Variants in CLEC16A observed in about 807,000 individuals in gnomAD.
CLEC16A encodes the protein protein CLEC16A.
CLEC16A carries 51 observed loss-of-function variants against 109.5 expected under a neutral mutation model. The observed-to-expected ratio is 0.47, with a 90% CI of 0.37 to 0.59. CLEC16A has a LOEUF of 0.59. Among genes scored for constraint, CLEC16A ranks in the 20% least tolerant of loss-of-function variants. The pLI, the probability that CLEC16A is intolerant of heterozygous loss-of-function variation, is 0.00. For missense variants in CLEC16A, 1,339 were observed against 1,394.0 expected (o/e 0.96, Z 0.63); for synonymous variants, 673 against 564.2 (o/e 1.19, Z -2.73).
intron 22 of CLEC16A, among the ~76,000 whole-genome samples, chr16:11,146,197 C>T (rs540754798): frequency 2.7e-4 from 41 of 152,296 alleles, no homozygotes; most frequent in African/African-American, 9.6e-4. Context: ...ACTCCCAGCA[C>T]TCCAGGGGTC....
intron 19 of CLEC16A, among the ~76,000 whole-genome samples, chr16:11,071,584 G>C (rs2049072551): frequency 6.6e-6 from 1 of 151,148 alleles, no homozygotes; most frequent in Non-Finnish European, 1.5e-5. Flanking sequence ...ATATAATTGA[G>C]GTCAATATTA....
chr16:10,999,383 C>T (rs781135810), intron 10 of CLEC16A, among the ~76,000 whole-genome samples: 1 of 152,182 alleles, frequency 6.6e-6, no homozygotes, highest in Non-Finnish European at 1.5e-5. Flanking sequence ...TCTTAGGCAT[C>T]TTTCCAGGAA....
intron 13 of CLEC16A, among the ~76,000 whole-genome samples, chr16:11,033,006 G>A (rs1001473722): frequency 4.6e-5 from 7 of 152,136 alleles, no homozygotes; most frequent in Non-Finnish European, 8.8e-5. Context: ...ATGAGTTGCA[G>A]GAGGGAACAC....
chr16:10,956,128 C>T (rs1276431941), intron 1 of CLEC16A, among the ~76,000 whole-genome samples: 2 of 152,222 alleles, frequency 1.3e-5, no homozygotes, highest in African/African-American at 4.8e-5. Context: ...ATGCCCCCTC[C>T]CGCAGCCTTT....
At chr16:10,972,469 C>G (rs1439011202) in intron 5 of CLEC16A, 85 bp from the exon 6 acceptor site, 4 of 1,283,848 alleles carry the variant, frequency 3.1e-6, no homozygotes, top group African/African-American at 1.5e-5. Context: ...GAGCAGCTCT[C>G]TCACCTTCCC....
In CLEC16A at chr16:11,036,284, C is replaced by G. The variant is rs551965010; in HGVS notation, c.1538-3470C>G. Among the ~76,000 whole-genome samples the G allele has an allele frequency of 3.3e-5, 5 of 152,180 alleles. No individual in the cohort carries two copies. The South Asian group carries it at 8.3e-4, about 25-fold the overall frequency. On this transcript the variant is annotated intron_variant, in intron 13 of 23. Coordinates refer to ENST00000409790, the MANE Select transcript of CLEC16A (RefSeq NM_015226.3). Reference sequence around the variant, plus strand: ...GCCTGTCCCTTCCCCCATCCTCCACCTCATCACCCCCTCCCCGGCTCTCTC... The same window carrying G: ...GCCTGTCCCTTCCCCCATCCTCCACGTCATCACCCCCTCCCCGGCTCTCTC...
At chr16:11,045,179 A>C (rs1265990615) in intron 16 of CLEC16A, among the ~76,000 whole-genome samples, 1 of 151,344 alleles carries the variant, frequency 6.6e-6, no homozygotes, top group Non-Finnish European at 1.5e-5. Context: ...CCCTGTCTTT[A>C]CTAAGAAATA....
rs1219600319 is a variant in CLEC16A, at chr16:11,179,069, C to G, written c.*379C>G. 3 of 219,346 alleles carry G rather than the reference C, an allele frequency of 1.4e-5. No homozygotes were observed. The East Asian group carries it at 2.8e-4, about 20-fold the overall frequency. 13.6% of individuals were successfully genotyped at this position (219,346 alleles called of 1,614,324 possible). On this transcript the variant is annotated 3_prime_UTR_variant, in exon 24 of 24. Transcript: ENST00000409790. ...CCCCAGTGTGCACAGAAGAATTGGA[C>G]CAGGTCACTGTACGTAGAAATTTGT...
chr16:11,045,975 G>C (rs2047614203), intron 16 of CLEC16A, among the ~76,000 whole-genome samples: 1 of 152,130 alleles, frequency 6.6e-6, no homozygotes, highest in East Asian at 1.9e-4. Flanking sequence ...TGGCACCGTG[G>C]TGGGCCCCTA....
intron 19 of CLEC16A, among the ~76,000 whole-genome samples, chr16:11,116,256 G>A (rs866560910): frequency 3.9e-5 from 6 of 151,906 alleles, no homozygotes; most frequent in African/African-American, 7.3e-5. Flanking sequence ...ATAGCCAGGC[G>A]TGGTGGTGTT....
rs776444138 is a variant in CLEC16A at position 11,061,004 on chromosome 16, G to C, written c.2098G>C (p.Asp700His). Residue 700 changes from aspartate (D) to histidine (H), a missense_variant, in exon 19 of 24, where the codon GAT becomes CAT. Coordinates refer to ENST00000409790, the MANE Select transcript of CLEC16A (RefSeq NM_015226.3). Reference protein sequence around the residue: ...LTREEDLIKTDDVLDLNNSDL... With the variant: ...LTREEDLIKTHDVLDLNNSDL... ...TCGGGAGGAGGACCTGATCAAGACT[G>C]ATGATGTCCTGGATCTGAGTGAGTT... 2.5e-6 allele frequency: 4 copies of C among 1,609,876 alleles called. No homozygotes were observed. Among genetic ancestry groups the C allele is most frequent in the Non-Finnish European group, 2.5e-6 (3 of 1,178,762 alleles).
At position 11,077,835 on chromosome 16, in the gene CLEC16A, A is replaced by G. The variant is rs1380948006; in HGVS notation, c.2116+16813A>G. 3.9e-5 allele frequency among the ~76,000 whole-genome samples: 6 copies of G among 152,120 alleles called. 1 individual carries two copies. In the East Asian group the frequency reaches 1.2e-3, roughly 30 times the overall value. The stretch of plus-strand genomic sequence containing the variant: ...TAAACTTTTAAGAAATGTACAGAAT[A>G]TGGCTAGGCGCGGTGGCTCATGCCG... On this transcript the variant is annotated intron_variant, in intron 19 of 23. Transcript: ENST00000409790.
intron 22 of CLEC16A, among the ~76,000 whole-genome samples, chr16:11,145,456 G>T (rs1418569550): frequency 1.3e-5 from 2 of 152,238 alleles, no homozygotes; most frequent in East Asian, 3.8e-4. Flanking sequence ...AAGCCTGTCA[G>T]CTCTACCTGG....
intron 22 of CLEC16A, among the ~76,000 whole-genome samples, chr16:11,140,614 C>T (rs948903855): frequency 6.6e-6 from 1 of 152,126 alleles, no homozygotes; most frequent in South Asian, 2.1e-4. Context: ...CCCACCATGT[C>T]CCACAGAGTG....
intron 22 of CLEC16A, among the ~76,000 whole-genome samples, chr16:11,161,660 C>G (rs1329990745): frequency 1.3e-5 from 2 of 152,224 alleles, no homozygotes; most frequent in Non-Finnish European, 2.9e-5. Flanking sequence ...AGATTATCAA[C>G]TCAAACGCCC....
At chr16:11,175,714 G>T (rs1018041325) in intron 23 of CLEC16A, among the ~76,000 whole-genome samples, 1 of 152,132 alleles carries the variant, frequency 6.6e-6, no homozygotes, top group South Asian at 2.1e-4. Flanking sequence ...AAAAATTGTT[G>T]GTCCTTTTCC....
chr16:11,059,983 C>T (rs1437347554), intron 18 of CLEC16A, among the ~76,000 whole-genome samples: 12 of 152,180 alleles, frequency 7.9e-5, no homozygotes, highest in Admixed American at 7.9e-4. Context: ...TGCAGGTGGC[C>T]TTTTCTGTGG....
At position 11,126,152 on chromosome 16, in the gene CLEC16A, C is replaced by T; in HGVS notation, c.2641+6C>T. On this transcript the variant is annotated splice_donor_region_variant and intron_variant, in intron 22 of 23. Coordinates refer to ENST00000409790, the MANE Select transcript of CLEC16A (RefSeq NM_015226.3). ...ATCGGTGGACAAGGTGCCAGGTGAG[C>T]CAGCCCCCCGCCCTGCGCCACAGCT... 1 of 1,613,696 alleles carries T rather than the reference C, an allele frequency of 6.2e-7. No homozygotes were observed. The highest frequency in any genetic ancestry group is 8.5e-7 in the Non-Finnish European group (1 of 1,179,856).
At chr16:10,951,152 G>A (rs578044320) in intron 1 of CLEC16A, among the ~76,000 whole-genome samples, 16 of 152,174 alleles carry the variant, frequency 1.1e-4, no homozygotes, top group African/African-American at 2.9e-4. Flanking sequence ...GATGCACCTC[G>A]AGTGTGTTGG....
Sources: gnomAD v4.1 joint callset for allele counts (sites outside exome capture counted in the v4.1 genomes callset) on GRCh38, gnomAD v4.1.1 for gene constraint, MANE v1.5 for transcripts, NCBI Gene and HGNC (gene_info 2026-07-23, HGNC 2026-07-21) for gene names.